CRACR2A: variants seen among roughly 807,000 people sequenced by gnomAD.
CRACR2A encodes the protein EF-hand calcium-binding domain-containing protein 4B.
CRACR2A carries 79 observed loss-of-function variants against 90.5 expected under a neutral mutation model. That is an observed-to-expected ratio of 0.87 (90% CI 0.73 to 1.05). The LOEUF (loss-of-function observed/expected upper bound fraction) is 1.05, where lower values mean the gene tolerates loss of function less well. CRACR2A is among the 50% of genes least tolerant of loss of function. CRACR2A has a pLI of 0.00. For synonymous variants in CRACR2A, 338 were observed against 356.7 expected (o/e 0.95, Z 0.59); for missense variants, 823 against 897.2 (o/e 0.92, Z 1.06).
intron 7 of CRACR2A, among the ~76,000 whole-genome samples, chr12:3,665,104 T>A (rs1393867473): frequency 1.3e-5 from 2 of 152,188 alleles, no homozygotes; most frequent in African/African-American, 4.8e-5. Flanking sequence ...CATTTTGAGT[T>A]ATGTAACGCA....
At chr12:3,687,568 G>T (rs139310985) in intron 4 of CRACR2A, among the ~76,000 whole-genome samples, 2,137 of 152,314 alleles carry the variant, frequency 0.014, 64 homozygotes, top group African/African-American at 0.048. Flanking sequence ...TGGTGTATAT[G>T]TATCAGATTT....
In CRACR2A at chr12:3,648,252, C is replaced by T. The variant is rs1009681532; in HGVS notation, c.1118+290G>A. On this transcript the variant is annotated intron_variant, in intron 11 of 19. Transcript: ENST00000440314. ...AATGCTCATTAAACCCAGCTCTGCT[C>T]GCATGAGATCAAGTACCAAGCACAG... 2.2e-5 allele frequency: 29 copies of T among 1,301,838 alleles called. No homozygotes were observed. In the East Asian group the frequency reaches 5.2e-4, roughly 23 times the overall value. The allele number at this position is 1,301,838 out of a possible 1,614,324, so 80.6% of individuals were successfully genotyped here.
At chr12:3,727,457 T>A (rs71458074) in intron 2 of CRACR2A, 4 of 152,378 alleles carry the variant, frequency 2.6e-5, no homozygotes, top group African/African-American at 9.6e-5. Context: ...ATCGGCTGGA[T>A]GAAGTCTCAG....
At chr12:3,733,524 T>C (rs1946394550) in intron 1 of CRACR2A, among the ~76,000 whole-genome samples, 1 of 152,130 alleles carries the variant, frequency 6.6e-6, no homozygotes, top group African/African-American at 2.4e-5. Context: ...AGTGTTTTCC[T>C]GGCTCTTTTC....
chr12:3,749,315 C>T (rs993302369), intron 1 of CRACR2A, among the ~76,000 whole-genome samples: 1 of 152,124 alleles, frequency 6.6e-6, no homozygotes, highest in Admixed American at 6.5e-5. Context: ...CGGCAGTGCC[C>T]GAGGTTGGAT....
At chr12:3,639,882 C>T (rs1186071188) in intron 13 of CRACR2A, among the ~76,000 whole-genome samples, 2 of 152,150 alleles carry the variant, frequency 1.3e-5, no homozygotes, top group Admixed American at 1.3e-4. Flanking sequence ...TATATTGCAT[C>T]AAGCTTATTA....
chr12:3,620,541 T>C (rs1189001875), intron 17 of CRACR2A, among the ~76,000 whole-genome samples: 1 of 152,220 alleles, frequency 6.6e-6, no homozygotes, highest in Admixed American at 6.5e-5. Flanking sequence ...TTTACTGCCA[T>C]TTAATAGGGG....
chr12:3,649,451 C>T (rs2137432327), intron 10 of CRACR2A, among the ~76,000 whole-genome samples: 1 of 152,284 alleles, frequency 6.6e-6, no homozygotes, highest in East Asian at 1.9e-4. Flanking sequence ...GAATCACCTT[C>T]TCTTTCCCAC....
At chr12:3,637,405 G>C (rs1259461413) in intron 14 of CRACR2A, among the ~76,000 whole-genome samples, 3 of 152,184 alleles carry the variant, frequency 2.0e-5, no homozygotes, top group African/African-American at 7.2e-5. Flanking sequence ...GGGTCGGGAA[G>C]GGGGCAAACA....
rs919921815 is a variant in CRACR2A, at chr12:3,640,470, A to G, written c.1271+1262T>C. 1.5e-5 allele frequency: 18 copies of G among 1,165,228 alleles called. 1 individual carries two copies. In the South Asian group the frequency reaches 2.2e-4, roughly 14 times the overall value. The allele number at this position is 1,165,228 out of a possible 1,614,324, so 72.2% of individuals were successfully genotyped here. ...ATTTTTGGAGGCTTTACAGAACTCA[A>G]AAGAATGTCTGGTACACAGTAGGTA... On this transcript the variant is annotated intron_variant, in intron 13 of 19. Transcript: ENST00000440314.
At chr12:3,643,839 T>TTTATATTATATATA (rs1184716489) in intron 12 of CRACR2A, among the ~76,000 whole-genome samples, 5 of 74,924 alleles carry the variant, frequency 6.7e-5, no homozygotes, top group African/African-American at 2.4e-4. Flanking sequence ...TAAATATATA[T>TTTATATTATATATA]AATATATATT....
At position 3,678,924 on chromosome 12, in the gene CRACR2A, A is replaced by C. The variant is rs1945389040; in HGVS notation, c.515T>G (p.Val172Gly). 6.2e-7 allele frequency: 1 copy of C among 1,606,628 alleles called. No homozygotes were observed. Among genetic ancestry groups the C allele is most frequent in the Non-Finnish European group, 8.5e-7 (1 of 1,177,330 alleles). Reference protein sequence around the residue: ...MLMDRLGAQKVLEDESDVKQL... With the variant: ...MLMDRLGAQKGLEDESDVKQL... ...CACTGTCACCACTTACTCTTCCAAC[A>C]CCTTTTGGGCTCCAAGTCTGTCCAT... The change falls in exon 6 of 20, where the codon GTG becomes GGG. Residue 172 changes from valine to glycine, a missense_variant. Coordinates refer to ENST00000440314, the MANE Select transcript of CRACR2A (RefSeq NM_001144958.2).
At chr12:3,631,682 G>A (rs1233433851) in intron 15 of CRACR2A, among the ~76,000 whole-genome samples, 5 of 152,188 alleles carry the variant, frequency 3.3e-5, no homozygotes, top group Admixed American at 6.5e-5. Context: ...GTGAAGTTGA[G>A]CAGAAGGAAA....
intron 15 of CRACR2A, among the ~76,000 whole-genome samples, chr12:3,628,708 CCAT>C (rs1424490905): frequency 2.0e-5 from 3 of 152,224 alleles, no homozygotes; most frequent in Non-Finnish European, 4.4e-5. Context: ...CCCACCACCA[CCAT>C]AAGTTCCAGA....
At chr12:3,669,818 G>A (rs1349889938) in intron 7 of CRACR2A, among the ~76,000 whole-genome samples, 1 of 152,148 alleles carries the variant, frequency 6.6e-6, no homozygotes, top group Non-Finnish European at 1.5e-5. Context: ...GCGACCTGGG[G>A]GATATGGCCC....
chr12:3,741,013 T>A (rs1178773746), intron 1 of CRACR2A, among the ~76,000 whole-genome samples: 1 of 152,168 alleles, frequency 6.6e-6, no homozygotes, highest in Non-Finnish European at 1.5e-5. Context: ...TCCTTTCTTC[T>A]CCATGGTTGC....
chr12:3,721,044 G>T (rs1428781473), intron 2 of CRACR2A, among the ~76,000 whole-genome samples: 1 of 152,170 alleles, frequency 6.6e-6, no homozygotes, highest in East Asian at 1.9e-4. Context: ...CAGAGTGGTT[G>T]ACTGGCCAGC....
intron 13 of CRACR2A, among the ~76,000 whole-genome samples, chr12:3,641,222 T>C (rs2109096): frequency 0.45 from 67,786 of 151,902 alleles, 15,771 homozygotes; most frequent in Admixed American, 0.56. Context: ...CGCACCTCTG[T>C]AATCCCAGCT....
chr12:3,689,256 TC>T (rs1390936140), intron 4 of CRACR2A, among the ~76,000 whole-genome samples: 1 of 152,218 alleles, frequency 6.6e-6, no homozygotes, highest in Non-Finnish European at 1.5e-5. Context: ...AGAGAGGGCA[TC>T]CTTGTCTTGT....
Sources: allele counts gnomAD v4.1 joint callset (sites outside exome capture counted in the v4.1 genomes callset), GRCh38; gene constraint gnomAD v4.1.1; transcripts MANE v1.5; gene names NCBI Gene and HGNC (gene_info 2026-07-23, HGNC 2026-07-21).